TMEM26: variants seen among roughly 807,000 people sequenced by gnomAD.
The protein encoded by TMEM26 is transmembrane protein 26.
TMEM26 carries 38 observed loss-of-function variants against 28.8 expected under a neutral mutation model. The ratio of observed to expected loss-of-function variants is 1.32; its 90% CI spans 1.02 to 1.73. TMEM26 has a LOEUF of 1.73. TMEM26 is among the 40% of genes most tolerant of loss of function. The probability of loss-of-function intolerance (pLI) is 0.00; values close to 1 mark genes in which losing one functional copy is unlikely to be tolerated. For missense variants in TMEM26, 518 were observed against 447.1 expected (o/e 1.16, Z -1.43); for synonymous variants, 227 against 182.9 (o/e 1.24, Z -1.95).
At position 61,431,273 on chromosome 10, in the gene TMEM26, A is replaced by C. The variant is rs1010261923; in HGVS notation, c.330T>G (p.Asn110Lys). The C allele has an allele frequency of 5.6e-6, 9 of 1,613,240 alleles. No homozygotes were observed. Among genetic ancestry groups the C allele is most frequent in the Non-Finnish European group, 7.6e-6 (9 of 1,179,396 alleles). The change falls in exon 3 of 6, where the codon AAT (asparagine) becomes AAG (lysine). Residue 110 changes from asparagine (N) to lysine (K), a missense_variant. Transcript: ENST00000399298. ...SQNTSRKEDF[N>K]QTLTSNEQTS... ...TTTGTTCATTGGATGTCAATGTTTG[A>C]TTGAAGTCTTCTTTTCTGCTGGTAT...
At chr10:61,445,487 T>A (rs1214159193) in intron 1 of TMEM26, among the ~76,000 whole-genome samples, 1 of 152,080 alleles carries the variant, frequency 6.6e-6, no homozygotes, top group Non-Finnish European at 1.5e-5. Context: ...CTCTTTGAGG[T>A]CAGTCAGACA....
chr10:61,429,930 A>T (rs948574675), intron 3 of TMEM26, among the ~76,000 whole-genome samples: 1 of 152,066 alleles, frequency 6.6e-6, no homozygotes, highest in African/African-American at 2.4e-5. Context: ...AAGTGACTTA[A>T]CTATGTTTGT....
chr10:61,427,802 C>G (rs553840832), intron 4 of TMEM26, among the ~76,000 whole-genome samples: 12 of 152,046 alleles, frequency 7.9e-5, no homozygotes, highest in Non-Finnish European at 1.3e-4. Context: ...TTTATGTGCT[C>G]TGTCATGATT....
At chr10:61,431,654 C>T (rs1272158386) in intron 2 of TMEM26, among the ~76,000 whole-genome samples, 3 of 151,906 alleles carry the variant, frequency 2.0e-5, no homozygotes, top group African/African-American at 7.3e-5. Flanking sequence ...GAATTTAAAA[C>T]CAAACAAATA....
At chr10:61,431,438 G>T in intron 2 of TMEM26, 106 bp from the exon 3 acceptor site, 2 of 753,456 alleles carry the variant, frequency 2.7e-6, no homozygotes, top group Non-Finnish European at 4.5e-6. Flanking sequence ...GATATGCAGA[G>T]TTTATACAGC....
At chr10:61,452,187 C>T (rs576468254) in intron 1 of TMEM26, among the ~76,000 whole-genome samples, 4 of 152,308 alleles carry the variant, frequency 2.6e-5, no homozygotes, top group Admixed American at 6.5e-5. Context: ...AAGCACCACA[C>T]GTGGCGTGTA....
chr10:61,445,134 G>T (rs1447427545), intron 1 of TMEM26, among the ~76,000 whole-genome samples: 1 of 152,182 alleles, frequency 6.6e-6, no homozygotes, highest in Non-Finnish European at 1.5e-5. Flanking sequence ...AAGAAAGCAG[G>T]CTGTAGCATT....
At chr10:61,429,849 G>T (rs1022862351) in intron 3 of TMEM26, among the ~76,000 whole-genome samples, 2 of 151,942 alleles carry the variant, frequency 1.3e-5, no homozygotes, top group African/African-American at 4.8e-5. Context: ...TTCTAAATAA[G>T]TCTCAAAGTA....
In TMEM26 at chr10:61,413,147, A is replaced by G. The variant is rs1839595530; in HGVS notation, c.682+312T>C. 2.9e-5 allele frequency: 15 copies of G among 508,752 alleles called. No individual in the cohort carries two copies. In the South Asian group the frequency reaches 3.3e-4, roughly 11 times the overall value. The allele number at this position is 508,752 out of a possible 1,614,324, so 31.5% of individuals were successfully genotyped here. ...ATTATCATCCCTATTTCATGGGTGA[A>G]AGAAAGCTGAGACACAGATGTATTA... On this transcript the variant is annotated intron_variant, in intron 5 of 5. Coordinates refer to ENST00000399298, the MANE Select transcript of TMEM26 (RefSeq NM_178505.8).
chr10:61,427,368 A>C (rs769893493), intron 4 of TMEM26, among the ~76,000 whole-genome samples: 1 of 151,990 alleles, frequency 6.6e-6, no homozygotes, highest in South Asian at 2.1e-4. Flanking sequence ...CTTGCTCACA[A>C]TTTGTTCCCC....
intron 4 of TMEM26, among the ~76,000 whole-genome samples, chr10:61,418,947 C>A (rs543317462): frequency 2.2e-4 from 34 of 152,228 alleles, no homozygotes; most frequent in African/African-American, 7.7e-4. Flanking sequence ...ATGCACAGAT[C>A]ATCAAAGAGC....
At chr10:61,436,842 C>G (rs1022721219) in intron 1 of TMEM26, among the ~76,000 whole-genome samples, 14 of 152,080 alleles carry the variant, frequency 9.2e-5, no homozygotes, top group African/African-American at 3.4e-4. Flanking sequence ...TTTAAGTTAT[C>G]TATATTCACT....
chr10:61,452,290 G>C (rs866633141), intron 1 of TMEM26, among the ~76,000 whole-genome samples: 1 of 152,250 alleles, frequency 6.6e-6, no homozygotes, highest in Non-Finnish European at 1.5e-5. Flanking sequence ...CAGGCCGTTA[G>C]CCAAGCCCCA....
At chr10:61,419,061 A>G (rs1466139221) in intron 4 of TMEM26, among the ~76,000 whole-genome samples, 1 of 152,136 alleles carries the variant, frequency 6.6e-6, no homozygotes, top group Non-Finnish European at 1.5e-5. Context: ...TCGAACTAAA[A>G]ATAAAACTAG....
intron 4 of TMEM26, among the ~76,000 whole-genome samples, chr10:61,428,589 G>A (rs1009144034): frequency 1.7e-4 from 26 of 151,992 alleles, no homozygotes; most frequent in African/African-American, 4.6e-4. Context: ...TGGAAAAGAG[G>A]AGCTGGGGAT....
intron 2 of TMEM26, among the ~76,000 whole-genome samples, chr10:61,431,705 A>G (rs1173930319): frequency 6.6e-6 from 1 of 151,590 alleles, no homozygotes; most frequent in African/African-American, 2.4e-5. Flanking sequence ...CTGGTCAAGG[A>G]AATTACAGTG....
intron 1 of TMEM26, among the ~76,000 whole-genome samples, chr10:61,449,429 T>C (rs1462304355): frequency 6.6e-6 from 1 of 152,248 alleles, no homozygotes; most frequent in Non-Finnish European, 1.5e-5. Context: ...AGCTCAGCAA[T>C]TCCAGTTCCA....
rs115990940 is a variant in TMEM26 at position 61,416,699 on chromosome 10, C to G, written c.606-3164G>C. On this transcript the variant is annotated intron_variant, in intron 4 of 5. Coordinates refer to ENST00000399298, the MANE Select transcript of TMEM26 (RefSeq NM_178505.8). ...TAGTGTGGATGTAAATGCAAAATAA[C>G]TTACTAAATTAAAGCATTTAAGACT... 5.5e-3 allele frequency among the ~76,000 whole-genome samples: 837 copies of G among 152,026 alleles called. 11 individuals are homozygous for G. Among genetic ancestry groups the G allele is most frequent in the African/African-American group, 0.019 (788 of 41,522 alleles).
At chr10:61,414,217 A>G in intron 4 of TMEM26, 1 of 272,072 alleles carries the variant, frequency 3.7e-6, no homozygotes, top group Non-Finnish European at 5.6e-6. Flanking sequence ...AATGTCCTAG[A>G]CCTAGGAAAA....
Sources: gnomAD v4.1 joint callset for allele counts (sites outside exome capture counted in the v4.1 genomes callset) on GRCh38, gnomAD v4.1.1 for gene constraint, MANE v1.5 for transcripts, NCBI Gene and HGNC (gene_info 2026-07-23, HGNC 2026-07-21) for gene names.